The following MS4A1 variants were observed in gnomAD, a reference collection of about 807,000 sequenced individuals.
MS4A1 encodes B-lymphocyte antigen CD20.
MS4A1 carries 16 observed loss-of-function variants against 26.5 expected under a neutral mutation model. The observed-to-expected ratio is 0.60, with a 90% CI of 0.41 to 0.92. MS4A1 has a LOEUF of 0.92. MS4A1 is among the 40% of genes least tolerant of loss of function. MS4A1 has a pLI of 0.00. For missense variants in MS4A1, 350 were observed against 353.0 expected, an observed-to-expected ratio of 0.99 and a Z score of 0.07; for synonymous variants, 128 against 117.6, an observed-to-expected ratio of 1.09 and a Z score of -0.57.
chr11:60,464,154 T>C (rs1450183447), intron 4 of MS4A1, 134 bp from the exon 5 acceptor site: 26 of 686,170 alleles, frequency 3.8e-5, no homozygotes, highest in South Asian at 2.0e-4. Context: ...AATGGGTGGA[T>C]GGTTGTGTGA....
intron 7 of MS4A1, among the ~76,000 whole-genome samples, chr11:60,467,320 C>T (rs1271572268): frequency 1.3e-5 from 2 of 150,162 alleles, no homozygotes; most frequent in Middle Eastern, 3.2e-3. Flanking sequence ...CTTTGTTGCC[C>T]AGGCTAGAGT....
At chr11:60,467,145 A>G in intron 7 of MS4A1, 85 bp downstream of exon 7, 1 of 1,176,790 alleles carries the variant, frequency 8.5e-7, no homozygotes, top group East Asian at 2.4e-5. Context: ...TAATCTGATG[A>G]GTTGTTGAAA....
At position 60,465,964 on chromosome 11, in the gene MS4A1, C is replaced by T; in HGVS notation, c.380C>T (p.Ala127Val). 1 of 1,613,834 alleles carries T rather than the reference C, an allele frequency of 6.2e-7. No individual in the cohort carries two copies. Among genetic ancestry groups the T allele is most frequent in the South Asian group, 1.1e-5 (1 of 91,034 alleles). The change falls in exon 6 of 8, where the codon GCC becomes GTC. Residue 127 changes from alanine to valine, a missense_variant. Coordinates refer to ENST00000345732, the MANE Select transcript of MS4A1 (RefSeq NM_152866.3). ...MIMNSLSLFA[A>V]ISGMILSIMD... The stretch of plus-strand genomic sequence containing the variant: ...ATGAATTCATTGAGCCTCTTTGCTG[C>T]CATTTCTGGAATGATTCTTTCAATC...
chr11:60,467,424 C>G (rs1223748570), intron 7 of MS4A1, among the ~76,000 whole-genome samples: 4 of 151,930 alleles, frequency 2.6e-5, no homozygotes, highest in Non-Finnish European at 5.9e-5. Flanking sequence ...TTACAGGCAC[C>G]CGCCATCATG....
chr11:60,460,684 A>G (rs917540601), intron 1 of MS4A1, among the ~76,000 whole-genome samples: 1 of 152,012 alleles, frequency 6.6e-6, no homozygotes, highest in African/African-American at 2.4e-5. Context: ...TGGAGTCCGC[A>G]TAAGTGGTTA....
intron 4 of MS4A1, 35 bp from the exon 5 acceptor site, chr11:60,464,251 ACC>A (rs1415134643): frequency 1.3e-6 from 1 of 746,738 alleles, no homozygotes; most frequent in South Asian, 1.3e-5. Context: ...TGTCTTGCCC[ACC>A]CCCTCTCCAT....
Position 60,468,601 on chromosome 11 carries a change from AC to A in MS4A1, c.*135del. ...CTCTATCTGGCCTTTGCATGGAGTG[AC>A]CATAGCTCCTTCTCTCTTACATTGA... On this transcript the variant is annotated 3_prime_UTR_variant, in exon 8 of 8. Coordinates refer to ENST00000345732, the MANE Select transcript of MS4A1 (RefSeq NM_152866.3). The A allele has an allele frequency of 1.3e-6, 1 of 784,988 alleles. No homozygotes were observed. The highest frequency in any genetic ancestry group is 2.2e-6 in the Non-Finnish European group (1 of 459,394). The allele number at this position is 784,988 out of a possible 1,614,324, so 48.6% of individuals were successfully genotyped here. A position where few individuals can be genotyped will look rare whatever the true frequency, so the allele number is the denominator to read the frequency against.
intron 7 of MS4A1, 48 bp from the exon 8 acceptor site, chr11:60,468,202 G>T (rs1033098198): frequency 7.4e-6 from 10 of 1,355,570 alleles, no homozygotes; most frequent in Non-Finnish European, 1.0e-5. Flanking sequence ...GTTGACAAAG[G>T]TGTCAGTGGT....
Position 60,466,161 on chromosome 11 carries a change from AGT to A in MS4A1, c.573+7_573+8del, listed in dbSNP as rs757428444. On this transcript the variant is annotated splice_donor_5th_base_variant and intron_variant, in intron 6 of 7. Transcript: ENST00000345732. ...CAGCATACAATCTCTGTTCTTGGTA[AGT>A]GTTCTTGGTAAGTGTGAGATTGGAT... 4 of 1,596,228 alleles carry A rather than the reference AGT, an allele frequency of 2.5e-6. No homozygotes were observed. The South Asian group carries it at 4.4e-5, about 18-fold the overall frequency.
intron 4 of MS4A1, 50 bp from the exon 5 acceptor site, chr11:60,464,238 T>C: frequency 7.4e-7 from 1 of 1,359,192 alleles, no homozygotes; most frequent in Non-Finnish European, 1.1e-6. Context: ...CTCCTCTATC[T>C]CCTGTCTTGC....
At chr11:60,462,911 C>G in intron 3 of MS4A1, 91 bp from the exon 4 acceptor site, 1 of 1,588,000 alleles carries the variant, frequency 6.3e-7, no homozygotes, top group South Asian at 1.1e-5. Context: ...CCTCACAGCT[C>G]CAAGTCAGGA....
intron 6 of MS4A1, chr11:60,466,728 T>C (rs2086294683): frequency 1.8e-6 from 1 of 543,490 alleles, no homozygotes; most frequent in South Asian, 2.0e-5. Context: ...CATACCTTAC[T>C]TTCTATCAGC....
In MS4A1 at chr11:60,470,752, A is replaced by C. The variant is rs199604086; in HGVS notation, c.*2284A>C. The C allele has an allele frequency of 7.9e-5, 12 of 151,914 alleles. No individual in the cohort carries two copies. Among genetic ancestry groups the C allele is most frequent in the Non-Finnish European group, 1.5e-4 (10 of 67,864 alleles). The allele number at this position is 151,914 out of a possible 1,614,324, so 9.4% of individuals were successfully genotyped here. A position where few individuals can be genotyped will look rare whatever the true frequency, so the allele number is the denominator to read the frequency against. Reference sequence around the variant, plus strand: ...AAATAAACTTTAAAAACCCAAGTGCACTCATTGACTAGGAGGCTGACGTAA... The same window carrying C: ...AAATAAACTTTAAAAACCCAAGTGCCCTCATTGACTAGGAGGCTGACGTAA... On this transcript the variant is annotated 3_prime_UTR_variant, in exon 8 of 8. Coordinates refer to ENST00000345732, the MANE Select transcript of MS4A1 (RefSeq NM_152866.3).
At chr11:60,461,520 A>T (rs1198618108) in intron 2 of MS4A1, among the ~76,000 whole-genome samples, 2 of 151,402 alleles carry the variant, frequency 1.3e-5, no homozygotes, top group Non-Finnish European at 2.9e-5. Flanking sequence ...AGCCTTAGAG[A>T]GCCTTTTCTT....
intron 1 of MS4A1, among the ~76,000 whole-genome samples, chr11:60,459,460 G>A (rs1241757924): frequency 1.3e-5 from 2 of 152,188 alleles, no homozygotes; most frequent in Non-Finnish European, 2.9e-5. Context: ...GCCATGGTGA[G>A]TGCCTTCTAG....
chr11:60,460,380 A>G (rs535961994), intron 1 of MS4A1, among the ~76,000 whole-genome samples: 14 of 152,378 alleles, frequency 9.2e-5, no homozygotes, highest in Admixed American at 2.6e-4. Flanking sequence ...TATAAGGCTC[A>G]GATGAGATGC....
intron 4 of MS4A1, 125 bp downstream of exon 4, chr11:60,463,246 AAAGT>A (rs2086263964): frequency 4.3e-6 from 6 of 1,398,630 alleles, no homozygotes; most frequent in Non-Finnish European, 5.0e-6. Context: ...TTATTGGGTT[AAAGT>A]AATTAAGAAG....
chr11:60,463,872 G>T (rs2086269104), intron 4 of MS4A1: 1 of 438,864 alleles, frequency 2.3e-6, no homozygotes, highest in Admixed American at 2.4e-5. Flanking sequence ...TTCTGCATCA[G>T]TTCACTCTTC....
intron 7 of MS4A1, among the ~76,000 whole-genome samples, chr11:60,467,867 G>C (rs776327523): frequency 1.3e-5 from 2 of 152,004 alleles, no homozygotes; most frequent in Non-Finnish European, 2.9e-5. Flanking sequence ...AGAAATCATC[G>C]CTAATTACTT....
Sources: allele counts gnomAD v4.1 joint callset (sites outside exome capture counted in the v4.1 genomes callset), GRCh38; gene constraint gnomAD v4.1.1; transcripts MANE v1.5; gene names NCBI Gene and HGNC (gene_info 2026-07-23, HGNC 2026-07-21).